The following ZNF407 variants were observed in gnomAD, a reference collection of about 807,000 sequenced individuals.
The protein encoded by ZNF407 is zinc finger protein 407.
In ZNF407, 17 loss-of-function variants were observed where a neutral mutation model predicts 131.2. That is an observed-to-expected ratio of 0.13 (90% confidence interval 0.09 to 0.19). The LOEUF is 0.19. Ranked by LOEUF, ZNF407 falls within the 10% of genes least tolerant of loss-of-function variation. ZNF407 has a pLI of 1.00. For missense variants in ZNF407, 2,681 were observed against 2,830.6 expected (o/e 0.95, Z 1.20); for synonymous variants, 1,156 against 1,062.0 (o/e 1.09, Z -1.72).
At chr18:74,700,853 T>C (rs1967475827) in intron 3 of ZNF407, among the ~76,000 whole-genome samples, 1 of 152,206 alleles carries the variant, frequency 6.6e-6, no homozygotes, top group African/African-American at 2.4e-5. Context: ...CTGTCAAACA[T>C]TGGAGCGTAT....
intron 4 of ZNF407, among the ~76,000 whole-genome samples, chr18:74,864,084 T>C (rs555709665): frequency 6.6e-6 from 1 of 152,244 alleles, no homozygotes; most frequent in South Asian, 2.1e-4. Context: ...GGGCAGGAAA[T>C]ATGACTGAGA....
Position 74,631,306 on chromosome 18 carries a change from C to G in ZNF407, c.287C>G (p.Thr96Ser). The G allele has an allele frequency of 6.2e-7, 1 of 1,613,980 alleles. No homozygotes were observed. The highest frequency in any genetic ancestry group is 8.5e-7 in the Non-Finnish European group (1 of 1,179,890). ...AAGCAAGGTATTTGTAGATTAGAAA[C>G]TTCTGAGAGCTCAGTCACAGAAGGG... Reference protein sequence around the residue: ...SGKQGICRLETSESSVTEGGI... With the variant: ...SGKQGICRLESSESSVTEGGI... The change falls in exon 2 of 9, where the codon ACT (threonine) becomes AGT (serine). Residue 96 changes from threonine to serine, a missense_variant. By Grantham distance (58) the Thr-to-Ser change is moderately conservative (BLOSUM62 1). Around this residue, in one of 6 missense-constraint regions of ZNF407, gnomAD observed 1,789 missense variants for 1,748.7 expected, o/e 1.02. Coordinates refer to ENST00000299687, the MANE Select transcript of ZNF407 (RefSeq NM_017757.3).
chr18:74,889,741 T>C (rs1193066747), intron 6 of ZNF407, among the ~76,000 whole-genome samples, 177 bp from the exon 7 acceptor site: 1 of 152,206 alleles, frequency 6.6e-6, no homozygotes. Flanking sequence ...AATGATATCT[T>C]CTAATTTTCT....
chr18:74,627,289 T>G (rs1983826111), intron 1 of ZNF407, among the ~76,000 whole-genome samples: 1 of 152,198 alleles, frequency 6.6e-6, no homozygotes, highest in South Asian at 2.1e-4. Context: ...CAGTGTAAGC[T>G]CTCACAGGAC....
At chr18:74,719,839 A>T (rs1160853099) in intron 3 of ZNF407, among the ~76,000 whole-genome samples, 1 of 152,146 alleles carries the variant, frequency 6.6e-6, no homozygotes, top group Non-Finnish European at 1.5e-5. Context: ...GCAGGATTTC[A>T]TGTTTTTATG....
At chr18:74,719,726 A>G (rs1048391300) in intron 3 of ZNF407, among the ~76,000 whole-genome samples, 1 of 152,158 alleles carries the variant, frequency 6.6e-6, no homozygotes, top group African/African-American at 2.4e-5. Flanking sequence ...CTATGCGATC[A>G]TCTTTTTTTA....
chr18:75,044,320 T>G lies in ZNF407; in HGVS notation c.5429-18830T>G, dbSNP rs573342256. ...AGCTTCATGAAAGCGTTTTGTTGGGTTTTTTTTCTTTCTTTTTTTTTAAAA... is the reference window on the plus strand; with the variant it reads ...AGCTTCATGAAAGCGTTTTGTTGGGGTTTTTTTCTTTCTTTTTTTTTAAAA... On this transcript the variant is annotated intron_variant, in intron 8 of 8. Coordinates refer to ENST00000299687, the MANE Select transcript of ZNF407 (RefSeq NM_017757.3). 7.9e-5 allele frequency among the ~76,000 whole-genome samples: 12 copies of G among 151,078 alleles called. No individual in the cohort carries two copies. In the South Asian group the frequency reaches 8.4e-4, roughly 11 times the overall value.
chr18:74,831,334 A>G (rs146906017), intron 4 of ZNF407, among the ~76,000 whole-genome samples: 103 of 152,314 alleles, frequency 6.8e-4, no homozygotes, highest in African/African-American at 2.5e-3. Flanking sequence ...ACATTATTGC[A>G]CAGCTATCAC....
At chr18:74,939,530 T>TA (rs930635973) in intron 8 of ZNF407, among the ~76,000 whole-genome samples, 2 of 152,214 alleles carry the variant, frequency 1.3e-5, no homozygotes, top group Non-Finnish European at 2.9e-5. Flanking sequence ...ATAGGCAATT[T>TA]AAAATGCAGA....
intron 3 of ZNF407, among the ~76,000 whole-genome samples, chr18:74,680,002 C>T (rs117754477): frequency 2.2e-4 from 34 of 152,258 alleles, no homozygotes; most frequent in East Asian, 1.9e-3. Context: ...TTTCATATTA[C>T]GTGTACAATG....
At chr18:74,713,660 A>G (rs1283948278) in intron 3 of ZNF407, among the ~76,000 whole-genome samples, 2 of 152,106 alleles carry the variant, frequency 1.3e-5, no homozygotes, top group African/African-American at 2.4e-5. Flanking sequence ...TATGTGTCAT[A>G]ATGAATAAAA....
intron 1 of ZNF407, among the ~76,000 whole-genome samples, chr18:74,626,429 T>C (rs1003642752): frequency 4.6e-5 from 7 of 152,230 alleles, no homozygotes; most frequent in Non-Finnish European, 1.0e-4. Flanking sequence ...AGTATACTGC[T>C]GTAGATCTTA....
intron 4 of ZNF407, among the ~76,000 whole-genome samples, chr18:74,829,286 T>C (rs1008193687): frequency 6.6e-6 from 1 of 152,254 alleles, no homozygotes; most frequent in Admixed American, 6.5e-5. Flanking sequence ...TGTTTAGTAA[T>C]GTAGAATCAT....
At chr18:74,947,878 T>C (rs1415959884) in intron 8 of ZNF407, among the ~76,000 whole-genome samples, 1 of 152,254 alleles carries the variant, frequency 6.6e-6, no homozygotes, top group Non-Finnish European at 1.5e-5. Flanking sequence ...CCATTTCTTA[T>C]GACCTCTCAG....
intron 8 of ZNF407, among the ~76,000 whole-genome samples, chr18:75,058,180 C>T (rs1973583306): frequency 6.6e-6 from 1 of 152,106 alleles, no homozygotes; most frequent in African/African-American, 2.4e-5. Flanking sequence ...TTTTTCCACG[C>T]TGGAGATGTT....
At chr18:74,692,444 G>A (rs1270830687) in intron 3 of ZNF407, among the ~76,000 whole-genome samples, 2 of 152,052 alleles carry the variant, frequency 1.3e-5, no homozygotes, top group African/African-American at 2.4e-5. Context: ...TCGTGATCTT[G>A]CTTTTGGTCA....
chr18:74,898,489 A>G (rs1240671855), intron 7 of ZNF407: 2 of 152,262 alleles, frequency 1.3e-5, no homozygotes, highest in African/African-American at 4.8e-5. Flanking sequence ...TAATTCAAAT[A>G]AATTAGAATT....
intron 4 of ZNF407, among the ~76,000 whole-genome samples, chr18:74,827,834 A>T (rs865876363): frequency 2.8e-4 from 43 of 152,362 alleles, no homozygotes; most frequent in African/African-American, 9.9e-4. Flanking sequence ...CCATTAGGTC[A>T]CACTAATACC....
intron 1 of ZNF407, among the ~76,000 whole-genome samples, chr18:74,602,085 C>T (rs1982608803): frequency 6.6e-6 from 1 of 152,140 alleles, no homozygotes; most frequent in Admixed American, 6.5e-5. Flanking sequence ...TAGAACATCT[C>T]CTTATGGTAA....
Sources: allele counts gnomAD v4.1 joint callset (sites outside exome capture counted in the v4.1 genomes callset), GRCh38; gene constraint gnomAD v4.1.1; regional missense constraint gnomAD v4.1.1; transcripts MANE v1.5; gene names NCBI Gene and HGNC (gene_info 2026-07-23, HGNC 2026-07-21).